The following SH3YL1 variants were observed in gnomAD, a reference collection of about 807,000 sequenced individuals.
The protein encoded by SH3YL1 is SH3 domain-containing YSC84-like protein 1.
A neutral mutation model predicts 45.8 loss-of-function variants in SH3YL1; 41 were observed. The observed-to-expected ratio is 0.89, with a 90% CI of 0.70 to 1.16. SH3YL1 has a LOEUF of 1.16. SH3YL1 is among the 50% of genes most tolerant of loss of function. SH3YL1 has a pLI of 0.00. For synonymous variants in SH3YL1, 152 were observed against 151.4 expected (o/e 1.00, Z -0.03); for missense variants, 389 against 409.6 (o/e 0.95, Z 0.43).
At chr2:263,543 G>A (rs945986814) in intron 1 of SH3YL1, 1 of 167,620 alleles carries the variant, frequency 6.0e-6, no homozygotes, top group Non-Finnish European at 1.3e-5. Context: ...CTTCCAGGTT[G>A]GGGGGCTGGC....
At chr2:264,674 C>A (rs1669779644), upstream of SH3YL1, 3 of 366,008 alleles carry the variant, frequency 8.2e-6, no homozygotes, top group Non-Finnish European at 1.5e-5. Flanking sequence ...GGTGACCCCA[C>A]CCCCGCAGCT....
chr2:238,463 T>TA (rs1388793073), intron 4 of SH3YL1, among the ~76,000 whole-genome samples: 2 of 152,116 alleles, frequency 1.3e-5, no homozygotes. Context: ...ATCCTCAACT[T>TA]AAACCCAAAT....
rs1294653482 is a variant in SH3YL1 at position 254,976 on chromosome 2, C to T, written c.2-1861G>A. ...GCCCCCTACCCACTTCAAGTTGTCC[C>T]GCCTTTCTGGATCTAATCAATCTTA... On this transcript the variant is annotated intron_variant, in intron 1 of 9. Coordinates refer to ENST00000356150, the MANE Select transcript of SH3YL1 (RefSeq NM_015677.4). Among the ~76,000 whole-genome samples, 8 of 152,334 alleles carry T rather than the reference C, an allele frequency of 5.3e-5. No individual in the cohort carries two copies. In the South Asian group the frequency reaches 6.2e-4, roughly 12 times the overall value.
At chr2:252,960 GA>G in intron 2 of SH3YL1, 44 bp downstream of exon 2, 1 of 1,244,550 alleles carries the variant, frequency 8.0e-7, no homozygotes, top group Non-Finnish European at 1.1e-6. Flanking sequence ...AACAACTTAG[GA>G]AAAAGACATT....
At chr2:220,235 A>T (rs1039873449) in intron 9 of SH3YL1, among the ~76,000 whole-genome samples, 1 of 151,580 alleles carries the variant, frequency 6.6e-6, no homozygotes, top group Non-Finnish European at 1.5e-5. Context: ...GTCCACCCAT[A>T]AGAAATAAAA....
At chr2:250,005 A>G (rs1490282375) in intron 2 of SH3YL1, among the ~76,000 whole-genome samples, 161 bp from the exon 3 acceptor site, 8 of 152,250 alleles carry the variant, frequency 5.3e-5, no homozygotes, top group African/African-American at 1.7e-4. Flanking sequence ...GATGGGCACG[A>G]GGCCTCTCTA....
Position 218,927 on chromosome 2 carries a change from G to C in SH3YL1, c.913C>G (p.Gln305Glu), listed in dbSNP as rs1293007932. 1.3e-5 allele frequency: 21 copies of C among 1,613,948 alleles called. No homozygotes were observed. Among genetic ancestry groups the C allele is most frequent in the Non-Finnish European group, 1.7e-5 (20 of 1,180,008 alleles). ...ATAACTGTGATTCTGTCTCCAGCTT[G>C]AAAATTCAAATCCCCAGGCTGCTGT... ...EGQQPGDLNF[Q>E]AGDRITVISK... is the part of the protein sequence containing the mutation. The change falls in exon 10 of 10, where the codon CAA (glutamine) becomes GAA (glutamate). Residue 305 changes from glutamine to glutamate, a missense_variant. Gln to Glu is a conservative substitution (Grantham distance 29). Coordinates refer to ENST00000356150, the MANE Select transcript of SH3YL1 (RefSeq NM_015677.4).
intron 3 of SH3YL1, 52 bp downstream of exon 3, chr2:249,679 G>A: frequency 1.5e-6 from 2 of 1,329,360 alleles, no homozygotes; most frequent in Non-Finnish European, 2.1e-6. Context: ...CATGAAAACA[G>A]ACAGAACAAA....
At chr2:241,131 A>G (rs530170830) in intron 4 of SH3YL1, 7 of 152,314 alleles carry the variant, frequency 4.6e-5, no homozygotes, top group South Asian at 4.1e-4. Context: ...ATATGTTCAA[A>G]GAATTAAAGA....
rs1667450422 is a variant in SH3YL1 at position 218,648 on chromosome 2, T to C, written c.*163A>G. 3.4e-6 allele frequency: 2 copies of C among 592,692 alleles called. No individual in the cohort carries two copies. Among genetic ancestry groups the C allele is most frequent in the African/African-American group, 1.9e-5 (1 of 53,842 alleles). 36.7% of individuals were successfully genotyped at this position (592,692 alleles called of 1,614,324 possible). ...TACAAAGTATTTAAAGATATGTCAG[T>C]CAGCTCTTTTTATATAGAAAAACAA... On this transcript the variant is annotated 3_prime_UTR_variant, in exon 10 of 10. Coordinates refer to ENST00000356150, the MANE Select transcript of SH3YL1 (RefSeq NM_015677.4).
intron 1 of SH3YL1, chr2:263,521 G>C (rs1213769913): frequency 6.2e-6 from 1 of 162,422 alleles, no homozygotes; most frequent in African/African-American, 2.4e-5. Flanking sequence ...GGTGTGAGGG[G>C]CTGGCCCTTC....
chr2:220,779 C>T (rs916038304), intron 9 of SH3YL1, among the ~76,000 whole-genome samples: 7 of 152,192 alleles, frequency 4.6e-5, no homozygotes, highest in Non-Finnish European at 1.0e-4. Context: ...TTAACCAGAA[C>T]AAATCAGTGA....
Position 263,883 on chromosome 2 carries a change from C to T in SH3YL1, c.1+101G>A, listed in dbSNP as rs1669715183. 3 of 1,015,244 alleles carry T rather than the reference C, an allele frequency of 3.0e-6. No individual in the cohort carries two copies. In the East Asian group the frequency reaches 8.5e-5, roughly 29 times the overall value. The allele number at this position is 1,015,244 out of a possible 1,614,324, so 62.9% of individuals were successfully genotyped here. ...GGTTAACAGACGCGCGACCTAGAAA[C>T]CCCAGAGGCATCGCCGGTTTTCCCG... is the stretch of plus-strand genomic sequence containing the variant. On this transcript the variant is annotated intron_variant, in intron 1 of 9. Transcript: ENST00000356150.
At chr2:225,818 G>A (rs1014073606) in intron 8 of SH3YL1, among the ~76,000 whole-genome samples, 1 of 151,992 alleles carries the variant, frequency 6.6e-6, no homozygotes, top group African/African-American at 2.4e-5. Context: ...AAAGTACTTG[G>A]GAACAAATTT....
At chr2:224,842 AC>A in intron 9 of SH3YL1, 21 bp downstream of exon 9, 1 of 1,534,836 alleles carries the variant, frequency 6.5e-7, no homozygotes, top group South Asian at 1.1e-5. Context: ...ATCATTTATA[AC>A]ATATAGATTT....
At chr2:228,929 C>T (rs1240071062) in intron 8 of SH3YL1, among the ~76,000 whole-genome samples, 3 of 152,170 alleles carry the variant, frequency 2.0e-5, no homozygotes, top group African/African-American at 7.2e-5. Flanking sequence ...CTATTTACTC[C>T]CCGCAAAACT....
chr2:230,006 C>A lies in SH3YL1; in HGVS notation c.741G>T (p.Gln247His). Residue 247 changes from glutamine to histidine, a missense_variant, in exon 8 of 10, where the codon CAG becomes CAT. By Grantham distance (24) the Gln-to-His change is conservative (BLOSUM62 0). Transcript: ENST00000356150. ...ELPPKPLSRPQQSSAPVQLNS... is the reference protein window; with the variant it reads ...ELPPKPLSRPHQSSAPVQLNS... ...TCAGCTGGACTGGTGCAGATGACTG[C>A]TGTGGTCTTGACAATGGCTTTGGAG... The A allele has an allele frequency of 6.2e-7, 1 of 1,611,900 alleles. No homozygotes were observed. The highest frequency in any genetic ancestry group is 2.2e-5 in the East Asian group (1 of 44,844).
chr2:264,721 A>T (rs892903402), upstream of SH3YL1: 14 of 447,516 alleles, frequency 3.1e-5, no homozygotes, highest in Non-Finnish European at 5.5e-5. Flanking sequence ...CCGCCCCTGC[A>T]GGTGAACGGC....
At chr2:241,840 A>C (rs1668561665) in intron 4 of SH3YL1, 1 of 152,066 alleles carries the variant, frequency 6.6e-6, no homozygotes, top group African/African-American at 2.4e-5. Context: ...CCAGATTAAA[A>C]ATTTTTTTTT....
Sources: gnomAD v4.1 joint callset for allele counts (sites outside exome capture counted in the v4.1 genomes callset) on GRCh38, gnomAD v4.1.1 for gene constraint, MANE v1.5 for transcripts, NCBI Gene and HGNC (gene_info 2026-07-23, HGNC 2026-07-21) for gene names.